Variants in HS6ST3 observed in about 807,000 individuals in gnomAD.
HS6ST3 encodes heparan-sulfate 6-O-sulfotransferase 3.
HS6ST3 carries 12 observed loss-of-function variants against 36.7 expected under a neutral mutation model. That is an observed-to-expected ratio of 0.33 (90% CI 0.21 to 0.53). The LOEUF (loss-of-function observed/expected upper bound fraction) is 0.53, where lower values mean the gene tolerates loss of function less well. Ranked by LOEUF, HS6ST3 falls within the 20% of genes least tolerant of loss-of-function variation. The probability of loss-of-function intolerance (pLI) is 0.95; values close to 1 mark genes in which losing one functional copy is unlikely to be tolerated. For synonymous variants in HS6ST3, 240 were observed against 257.5 expected, an observed-to-expected ratio of 0.93 and a Z score of 0.65; for missense variants, 584 against 640.9, an observed-to-expected ratio of 0.91 and a Z score of 0.96.
At chr13:96,254,332 T>G (rs944262055) in intron 1 of HS6ST3, among the ~76,000 whole-genome samples, 6 of 144,222 alleles carry the variant, frequency 4.2e-5, no homozygotes, top group Non-Finnish European at 8.9e-5. Context: ...GAGAATTGCT[T>G]GAACCCGGGA....
intron 1 of HS6ST3, among the ~76,000 whole-genome samples, chr13:96,277,120 G>A (rs1346310274): frequency 2.0e-5 from 3 of 152,150 alleles, no homozygotes; most frequent in Non-Finnish European, 4.4e-5. Flanking sequence ...TCCCTGTTTG[G>A]ACATATTCAA....
chr13:96,792,192 T>G (rs186344714), intron 1 of HS6ST3, among the ~76,000 whole-genome samples: 4 of 152,144 alleles, frequency 2.6e-5, no homozygotes, highest in Admixed American at 2.6e-4. Context: ...GCAGTCTTTG[T>G]GAAAAGAGAT....
chr13:96,591,769 G>C (rs770177646), intron 1 of HS6ST3, among the ~76,000 whole-genome samples: 4 of 151,958 alleles, frequency 2.6e-5, no homozygotes, highest in Non-Finnish European at 4.4e-5. Flanking sequence ...TCCTTGTTGT[G>C]TTCCTGATCT....
At chr13:96,548,030 A>T (rs2056204189) in intron 1 of HS6ST3, among the ~76,000 whole-genome samples, 1 of 152,146 alleles carries the variant, frequency 6.6e-6, no homozygotes, top group Non-Finnish European at 1.5e-5. Flanking sequence ...TTACAGAAAA[A>T]CAAACCTAAT....
chr13:96,647,356 A>G (rs909769358), intron 1 of HS6ST3, among the ~76,000 whole-genome samples: 2 of 152,040 alleles, frequency 1.3e-5, no homozygotes, highest in Non-Finnish European at 2.9e-5. Context: ...GTTGCATCTA[A>G]ATAAATGAGA....
intron 1 of HS6ST3, among the ~76,000 whole-genome samples, chr13:96,212,684 A>ATGTTATTT (rs2054404703): frequency 1.3e-5 from 2 of 152,070 alleles, no homozygotes; most frequent in South Asian, 4.1e-4. Context: ...TCTAGAGTTT[A>ATGTTATTT]TGTTATTTTA....
intron 1 of HS6ST3, among the ~76,000 whole-genome samples, chr13:96,278,488 G>C (rs1259063089): frequency 6.6e-6 from 1 of 152,096 alleles, no homozygotes; most frequent in Non-Finnish European, 1.5e-5. Flanking sequence ...AATAGGAAAA[G>C]CCAAGAGCTA....
chr13:96,675,966 C>T (rs569115024), intron 1 of HS6ST3, among the ~76,000 whole-genome samples: 5 of 152,176 alleles, frequency 3.3e-5, no homozygotes, highest in African/African-American at 1.2e-4. Context: ...TGCTCCTGGC[C>T]ACCCTATAGG....
At chr13:96,279,525 C>G (rs183635848) in intron 1 of HS6ST3, among the ~76,000 whole-genome samples, 1 of 152,064 alleles carries the variant, frequency 6.6e-6, no homozygotes, top group East Asian at 1.9e-4. Context: ...AATCTTGTCT[C>G]GAGAGGCTAG....
intron 1 of HS6ST3, among the ~76,000 whole-genome samples, chr13:96,357,954 T>C (rs557916773): frequency 7.9e-5 from 12 of 152,342 alleles, no homozygotes; most frequent in African/African-American, 2.9e-4. Context: ...TGAGAATTTC[T>C]AACATGTGAC....
intron 1 of HS6ST3, among the ~76,000 whole-genome samples, chr13:96,269,568 T>C (rs2054709602): frequency 6.6e-6 from 1 of 152,020 alleles, no homozygotes; most frequent in South Asian, 2.1e-4. Context: ...ATTTAAATAA[T>C]CTGTAACTGA....
intron 1 of HS6ST3, among the ~76,000 whole-genome samples, chr13:96,183,761 C>G (rs2054251513): frequency 6.6e-6 from 1 of 152,106 alleles, no homozygotes; most frequent in African/African-American, 2.4e-5. Flanking sequence ...GTTTCCAGGA[C>G]CCGGGGGAAG....
intron 1 of HS6ST3, among the ~76,000 whole-genome samples, chr13:96,788,348 T>C (rs2138518523): frequency 6.6e-6 from 1 of 152,052 alleles, no homozygotes; most frequent in Non-Finnish European, 1.5e-5. Context: ...TTCACTATAT[T>C]GAATTGGTAT....
At chr13:96,658,268 C>CTTCTTTTTTTTTTTTTTTTTATTTT (rs1566422902) in intron 1 of HS6ST3, among the ~76,000 whole-genome samples, 1 of 76,190 alleles carries the variant, frequency 1.3e-5, no homozygotes, top group African/African-American at 5.4e-5. Context: ...TCTTCTTCTT[C>CTTCTTTTTTTTTTTTTTTTTATTTT]TTTTTTTTTT....
chr13:96,651,509 A>G (rs1158036428), intron 1 of HS6ST3, among the ~76,000 whole-genome samples: 5 of 152,032 alleles, frequency 3.3e-5, no homozygotes, highest in Admixed American at 1.3e-4. Flanking sequence ...GTATGAATCA[A>G]GCGGCCATCC....
At chr13:96,729,587 C>G (rs984267498) in intron 1 of HS6ST3, among the ~76,000 whole-genome samples, 21 of 151,924 alleles carry the variant, frequency 1.4e-4, no homozygotes, top group African/African-American at 5.1e-4. Flanking sequence ...CTCCCAAGTA[C>G]CTGGGATTAC....
rs780408428 is a variant in HS6ST3, at chr13:96,832,565, G to A, written c.783G>A (p.Gly261=). The A allele has an allele frequency of 6.8e-6, 11 of 1,613,506 alleles. No homozygotes were observed. The highest frequency in any genetic ancestry group is 2.7e-5 in the African/African-American group (2 of 74,884). Residue 261 remains glycine (G), a synonymous_variant, in exon 2 of 2, where the codon GGG becomes GGA. Transcript: ENST00000376705. The stretch of plus-strand genomic sequence containing the variant: ...GCGAGTGGAAACATGTCCAGAGAGG[G>A]GCCACTTGGAAAACCTCTCTTCATA... The part of the protein sequence containing the change: ...YLSEWKHVQR[G]ATWKTSLHMC...
chr13:96,669,098 C>G (rs2056674838), intron 1 of HS6ST3, among the ~76,000 whole-genome samples: 1 of 151,790 alleles, frequency 6.6e-6, no homozygotes, highest in Non-Finnish European at 1.5e-5. Context: ...TGTGGTAGAC[C>G]TAAAAGGAAA....
chr13:96,543,367 C>G (rs1291906326), intron 1 of HS6ST3, among the ~76,000 whole-genome samples: 3 of 152,132 alleles, frequency 2.0e-5, no homozygotes, highest in Non-Finnish European at 4.4e-5. Flanking sequence ...GACACTCAGC[C>G]CCAAGAGTAA....
Sources: gnomAD v4.1 joint callset for allele counts (sites outside exome capture counted in the v4.1 genomes callset) on GRCh38, gnomAD v4.1.1 for gene constraint, MANE v1.5 for transcripts, NCBI Gene and HGNC (gene_info 2026-07-23, HGNC 2026-07-21) for gene names.